The following GRAMD1B variants were observed in gnomAD, a reference collection of about 807,000 sequenced individuals.
The protein encoded by GRAMD1B is protein Aster-B.
A neutral mutation model predicts 99.7 loss-of-function variants in GRAMD1B; 37 were observed. That is an observed-to-expected ratio of 0.37 (90% CI 0.29 to 0.49). The LOEUF is 0.49. GRAMD1B is among the 20% of genes least tolerant of loss of function. GRAMD1B has a pLI of 0.98. For missense variants in GRAMD1B, 888 were observed against 1,009.2 expected (o/e 0.88, Z 1.63); for synonymous variants, 427 against 387.6 (o/e 1.10, Z -1.19).
At chr11:123,562,118 G>A (rs1248555649) in intron 2 of GRAMD1B, among the ~76,000 whole-genome samples, 4 of 152,176 alleles carry the variant, frequency 2.6e-5, no homozygotes, top group African/African-American at 4.8e-5. Context: ...GGGATCTGAG[G>A]TGGGAGGATC....
chr11:123,501,272 G>A (rs1439477303), intron 2 of GRAMD1B, among the ~76,000 whole-genome samples: 1 of 152,158 alleles, frequency 6.6e-6, no homozygotes, highest in Non-Finnish European at 1.5e-5. Flanking sequence ...CTGGGTTCAA[G>A]TGATTCTCAT....
chr11:123,394,419 C>A (rs1278884456), intron 1 of GRAMD1B, among the ~76,000 whole-genome samples: 1 of 152,228 alleles, frequency 6.6e-6, no homozygotes, highest in Non-Finnish European at 1.5e-5. Context: ...GGCCTCTCCA[C>A]TTCCGTATTT....
intron 1 of GRAMD1B, among the ~76,000 whole-genome samples, chr11:123,452,587 G>A (rs184119085): frequency 2.4e-4 from 36 of 152,174 alleles, no homozygotes; most frequent in Admixed American, 2.1e-3. Flanking sequence ...TGGAGGTTGC[G>A]GTGAGCCAAG....
At chr11:123,454,204 C>T (rs182645347) in intron 1 of GRAMD1B, among the ~76,000 whole-genome samples, 219 of 152,346 alleles carry the variant, frequency 1.4e-3, no homozygotes, top group Non-Finnish European at 2.5e-3. Context: ...GACTGGTTTG[C>T]AGATGAAATA....
intron 2 of GRAMD1B, among the ~76,000 whole-genome samples, chr11:123,572,886 G>C (rs1948283486): frequency 6.7e-6 from 1 of 150,010 alleles, no homozygotes; most frequent in African/African-American, 2.5e-5. Context: ...CGATGGCTGG[G>C]ACAGGGGCGC....
chr11:123,569,012 G>T (rs955990976), intron 2 of GRAMD1B, among the ~76,000 whole-genome samples: 1 of 152,190 alleles, frequency 6.6e-6, no homozygotes, highest in Non-Finnish European at 1.5e-5. Context: ...GTGTGTGTGG[G>T]GAAGGGGAGG....
At chr11:123,619,468 G>A (rs893275212) in intron 19 of GRAMD1B, 16 of 1,298,734 alleles carry the variant, frequency 1.2e-5, no homozygotes, top group Middle Eastern at 2.1e-4. Flanking sequence ...CAGGAAAGCT[G>A]TAGTTTAGGT....
chr11:123,408,075 T>G lies in GRAMD1B; in HGVS notation c.-176+49276T>G, dbSNP rs560261611. Among the ~76,000 whole-genome samples the G allele has an allele frequency of 2.0e-5, 3 of 152,328 alleles. No individual in the cohort carries two copies. In the South Asian group the frequency reaches 6.2e-4, roughly 32 times the overall value. ...TTAGGAAAGTGGCCTTTTGGAGCCT[T>G]TAGCATTGTAGCTAAACTTTAGAAC... On this transcript the variant is annotated intron_variant, in intron 1 of 20. Transcript: ENST00000638157.
At chr11:123,532,280 G>A (rs577306490) in intron 2 of GRAMD1B, among the ~76,000 whole-genome samples, 8 of 152,284 alleles carry the variant, frequency 5.3e-5, no homozygotes, top group Admixed American at 2.0e-4. Flanking sequence ...CCCTTCTACC[G>A]CAGTGGTCAG....
At chr11:123,462,112 G>A (rs560416717) in intron 1 of GRAMD1B, among the ~76,000 whole-genome samples, 9 of 151,696 alleles carry the variant, frequency 5.9e-5, no homozygotes, top group Admixed American at 4.6e-4. Context: ...GACCACAGGC[G>A]CCCGCCACCA....
intron 2 of GRAMD1B, among the ~76,000 whole-genome samples, chr11:123,574,285 T>C (rs1421853947): frequency 6.6e-6 from 1 of 152,104 alleles, no homozygotes; most frequent in Non-Finnish European, 1.5e-5. Context: ...AGAGGTGTCA[T>C]TTACTTTTAG....
At chr11:123,468,924 C>T (rs1343286854) in intron 1 of GRAMD1B, among the ~76,000 whole-genome samples, 1 of 151,736 alleles carries the variant, frequency 6.6e-6, no homozygotes, top group Non-Finnish European at 1.5e-5. Context: ...CTCATCTCTC[C>T]AAGTATGTGT....
intron 1 of GRAMD1B, among the ~76,000 whole-genome samples, chr11:123,394,174 C>T (rs1479932583): frequency 2.0e-5 from 3 of 152,184 alleles, no homozygotes; most frequent in African/African-American, 4.8e-5. Context: ...TAAATTAGTA[C>T]TGCCTTGAGA....
intron 1 of GRAMD1B, among the ~76,000 whole-genome samples, chr11:123,388,535 A>G (rs1335210140): frequency 6.6e-6 from 1 of 152,010 alleles, no homozygotes; most frequent in Non-Finnish European, 1.5e-5. Context: ...TTAGCCTGGC[A>G]TGGTGGCACA....
At chr11:123,590,722 C>T (rs1162509008) in intron 4 of GRAMD1B, among the ~76,000 whole-genome samples, 5 of 152,294 alleles carry the variant, frequency 3.3e-5, no homozygotes, top group Non-Finnish European at 5.9e-5. Flanking sequence ...CCTGTTGCTG[C>T]AGCCAGTGGT....
At chr11:123,519,663 TGCACTCCTGCTCCTGGA>T (rs915599649) in intron 2 of GRAMD1B, among the ~76,000 whole-genome samples, 13 of 152,312 alleles carry the variant, frequency 8.5e-5, no homozygotes, top group African/African-American at 3.1e-4. Flanking sequence ...GCAGCGCTGC[TGCACTCCTGCTCCTGGA>T]GCAAAGAGGG....
chr11:123,515,027 A>C (rs1190599019), intron 2 of GRAMD1B, among the ~76,000 whole-genome samples: 1 of 152,234 alleles, frequency 6.6e-6, no homozygotes, highest in Non-Finnish European at 1.5e-5. Context: ...TAAAGGTAAG[A>C]ATTGAAAGGC....
chr11:123,367,084 T>C lies in GRAMD1B; in HGVS notation c.-176+8285T>C, dbSNP rs115000011. Among the ~76,000 whole-genome samples the C allele has an allele frequency of 3.5e-3, 530 of 152,198 alleles. 2 individuals carry two copies. The highest frequency in any genetic ancestry group is 0.012 in the African/African-American group (495 of 41,518). ...CAGGCATGATGGCATGCGTCTGTAG[T>C]CGTAGCTACTTGGGAGGCTGAGGTG... is the stretch of plus-strand genomic sequence containing the variant. On this transcript the variant is annotated intron_variant, in intron 1 of 20. Transcript: ENST00000638157.
At chr11:123,555,153 C>T (rs1241881501) in intron 2 of GRAMD1B, among the ~76,000 whole-genome samples, 3 of 152,124 alleles carry the variant, frequency 2.0e-5, no homozygotes, top group Non-Finnish European at 4.4e-5. Context: ...GGGCACAGCT[C>T]CAGCATCACA....
Sources: gnomAD v4.1 joint callset for allele counts (sites outside exome capture counted in the v4.1 genomes callset) on GRCh38, gnomAD v4.1.1 for gene constraint, MANE v1.5 for transcripts, NCBI Gene and HGNC (gene_info 2026-07-23, HGNC 2026-07-21) for gene names.